Variants in PARD3B observed in about 807,000 individuals in gnomAD.
PARD3B encodes the protein partitioning defective 3 homolog B.
In PARD3B, 103 loss-of-function variants were observed where a neutral mutation model predicts 130.2. The ratio of observed to expected loss-of-function variants is 0.79; its 90% CI spans 0.67 to 0.93. PARD3B has a LOEUF of 0.93. Ranked by LOEUF, PARD3B falls within the 40% of genes least tolerant of loss-of-function variation. The probability of loss-of-function intolerance (pLI) is 0.00; values close to 1 mark genes in which losing one functional copy is unlikely to be tolerated. For synonymous variants in PARD3B, 583 were observed against 553.2 expected (o/e 1.05, Z -0.76); for missense variants, 1,609 against 1,499.2 (o/e 1.07, Z -1.21).
chr2:205,221,603 T>A (rs11894475), intron 15 of PARD3B, among the ~76,000 whole-genome samples: 2 of 152,328 alleles, frequency 1.3e-5, no homozygotes, highest in African/African-American at 4.8e-5. Context: ...CCCTTGTATC[T>A]TCTTTCTAAT....
Position 205,572,215 on chromosome 2 carries a change from G to A in PARD3B, c.3260+18812G>A, listed in dbSNP as rs2053583498. Among the ~76,000 whole-genome samples, 1 of 151,826 alleles carries A rather than the reference G, an allele frequency of 6.6e-6. No individual in the cohort carries two copies. Among genetic ancestry groups the A allele is most frequent in the South Asian group, 2.1e-4 (1 of 4,824 alleles). ...TTTTCAGTCTCTGGTACCTTGGGAA[G>A]AGAGTAGAAGAATGACAAATTATAG... On this transcript the variant is annotated intron_variant, in intron 22 of 22. Coordinates refer to ENST00000406610, the MANE Select transcript of PARD3B (RefSeq NM_001302769.2). This position sits in a 1 kb window ranked among gnomAD's most constrained non-coding sequence, Gnocchi z 4.2.
chr2:205,223,855 A>G (rs1291727408), intron 15 of PARD3B, among the ~76,000 whole-genome samples: 2 of 152,136 alleles, frequency 1.3e-5, no homozygotes, highest in African/African-American at 4.8e-5. Context: ...CAGGTGTACA[A>G]TGCATACTAA....
chr2:205,214,081 G>A (rs888085332), intron 15 of PARD3B, among the ~76,000 whole-genome samples: 1 of 151,636 alleles, frequency 6.6e-6, no homozygotes, highest in African/African-American at 2.4e-5. Flanking sequence ...TTCCTTTTAG[G>A]TTTTTTGTTT....
chr2:205,218,494 G>GT (rs2038068336), intron 15 of PARD3B, among the ~76,000 whole-genome samples: 1 of 151,990 alleles, frequency 6.6e-6, no homozygotes, highest in African/African-American at 2.4e-5. Flanking sequence ...TACACTTTTG[G>GT]TTTTTTTACA....
intron 1 of PARD3B, among the ~76,000 whole-genome samples, chr2:204,625,143 TA>T (rs1162838088): frequency 6.6e-6 from 1 of 152,184 alleles, no homozygotes; most frequent in South Asian, 2.1e-4. Context: ...GGTTTGGAAA[TA>T]TTTTTTTCTC....
chr2:204,974,768 T>C (rs1691998733), intron 3 of PARD3B, among the ~76,000 whole-genome samples: 1 of 152,200 alleles, frequency 6.6e-6, no homozygotes, highest in East Asian at 1.9e-4. Context: ...TTTTAGATGA[T>C]TGGTCTTAAC....
At position 205,047,572 on chromosome 2, in the gene PARD3B, G is replaced by C; in HGVS notation, c.395-9G>C. 1 of 1,540,720 alleles carries C rather than the reference G, an allele frequency of 6.5e-7. No homozygotes were observed. The highest frequency in any genetic ancestry group is 8.8e-7 in the Non-Finnish European group (1 of 1,139,148). Reference sequence around the variant, plus strand: ...CTTTTGACCTCTCACCTCTCACTTTGTCTTCCAGGCACTCCACTGCTGGTG... The same window carrying C: ...CTTTTGACCTCTCACCTCTCACTTTCTCTTCCAGGCACTCCACTGCTGGTG... On this transcript the variant is annotated splice_polypyrimidine_tract_variant and intron_variant, in intron 3 of 22. Coordinates refer to ENST00000406610, the MANE Select transcript of PARD3B (RefSeq NM_001302769.2).
chr2:204,577,171 G>A (rs535484828), intron 1 of PARD3B, among the ~76,000 whole-genome samples: 221 of 152,178 alleles, frequency 1.5e-3, no homozygotes, highest in Non-Finnish European at 2.1e-3. Context: ...AATATTGTGT[G>A]GCACTATTCA....
At chr2:204,681,158 C>A (rs1205708779) in intron 1 of PARD3B, among the ~76,000 whole-genome samples, 1 of 152,144 alleles carries the variant, frequency 6.6e-6, no homozygotes, top group Non-Finnish European at 1.5e-5. Context: ...AGCCTTTTAT[C>A]ATGATTGAAT....
At chr2:205,163,203 C>G (rs77343795) in intron 11 of PARD3B, among the ~76,000 whole-genome samples, 6,807 of 152,118 alleles carry the variant, frequency 0.045, 530 homozygotes, top group African/African-American at 0.15. Context: ...AAACTTTGAC[C>G]TAGTAAGGTA....
At chr2:204,903,040 G>A (rs1488370671) in intron 2 of PARD3B, among the ~76,000 whole-genome samples, 1 of 152,228 alleles carries the variant, frequency 6.6e-6, no homozygotes, top group Non-Finnish European at 1.5e-5. Flanking sequence ...TTGGGTTGTT[G>A]AGGTAATTGA....
chr2:204,928,761 A>G (rs144007047), intron 2 of PARD3B, among the ~76,000 whole-genome samples: 1 of 152,054 alleles, frequency 6.6e-6, no homozygotes, highest in Admixed American at 6.6e-5. Context: ...TGCTTCTTTC[A>G]TACTTCTTTC....
At chr2:204,730,941 C>T (rs1180429445) in intron 2 of PARD3B, among the ~76,000 whole-genome samples, 1 of 152,180 alleles carries the variant, frequency 6.6e-6, no homozygotes, top group Non-Finnish European at 1.5e-5. Flanking sequence ...ACCAAAATCA[C>T]TCTTTGCCCA....
intron 19 of PARD3B, among the ~76,000 whole-genome samples, chr2:205,438,197 TATAAG>T (rs1266816481): frequency 1.3e-5 from 2 of 152,110 alleles, no homozygotes; most frequent in African/African-American, 2.4e-5. Flanking sequence ...AAAGGAAAAA[TATAAG>T]ATAAAATATT....
intron 2 of PARD3B, among the ~76,000 whole-genome samples, chr2:204,747,554 C>G (rs1200101707): frequency 6.6e-6 from 1 of 152,136 alleles, no homozygotes; most frequent in Non-Finnish European, 1.5e-5. Flanking sequence ...CTACCAATGA[C>G]TTTCTTCACG....
chr2:204,760,342 A>C (rs928381032), intron 2 of PARD3B, among the ~76,000 whole-genome samples: 2 of 152,076 alleles, frequency 1.3e-5, no homozygotes, highest in East Asian at 3.9e-4. Context: ...TTTTGTGGGG[A>C]TTTTCTCTTG....
chr2:205,042,435 G>A lies in PARD3B; in HGVS notation c.395-5146G>A, dbSNP rs575338950. Among the ~76,000 whole-genome samples the A allele has an allele frequency of 4.6e-4, 70 of 152,230 alleles. 1 individual carries two copies. The South Asian group carries it at 0.012, about 26-fold the overall frequency. ...AGTGTGTAAGTTTTTCCTGAATGTGGTATAAGTCCTGAATGTCAGTGGAGA... is the reference window on the plus strand; with the variant it reads ...AGTGTGTAAGTTTTTCCTGAATGTGATATAAGTCCTGAATGTCAGTGGAGA... On this transcript the variant is annotated intron_variant, in intron 3 of 22. Coordinates refer to ENST00000406610, the MANE Select transcript of PARD3B (RefSeq NM_001302769.2).
chr2:204,911,871 A>C (rs1392647897), intron 2 of PARD3B, among the ~76,000 whole-genome samples: 1 of 152,252 alleles, frequency 6.6e-6, no homozygotes, highest in Non-Finnish European at 1.5e-5. Flanking sequence ...AAATATATAC[A>C]ACTTTTGTTT....
chr2:205,258,898 T>C lies in PARD3B; in HGVS notation c.2185+13076T>C, dbSNP rs927252967. Among the ~76,000 whole-genome samples, 1 of 152,218 alleles carries C rather than the reference T, an allele frequency of 6.6e-6. No individual in the cohort carries two copies. The highest frequency in any genetic ancestry group is 1.5e-5 in the Non-Finnish European group (1 of 68,032). ...ACTTTTTAATGACCTTTTTTCCCTCTCTTGTCATTTTAGGCTGAATTGCTT... is the reference window on the plus strand; with the variant it reads ...ACTTTTTAATGACCTTTTTTCCCTCCCTTGTCATTTTAGGCTGAATTGCTT... On this transcript the variant is annotated intron_variant, in intron 16 of 22. Coordinates refer to ENST00000406610, the MANE Select transcript of PARD3B (RefSeq NM_001302769.2). The surrounding 1 kb of genome is among the most constrained non-coding windows in gnomAD (Gnocchi z 4.9).
Sources: gnomAD v4.1 joint callset for allele counts (sites outside exome capture counted in the v4.1 genomes callset) on GRCh38, gnomAD v4.1.1 for gene constraint, Gnocchi (gnomAD v3.1) non-coding constraint, MANE v1.5 for transcripts, NCBI Gene and HGNC (gene_info 2026-07-23, HGNC 2026-07-21) for gene names.